Variants in PLCL1 observed in about 807,000 individuals in gnomAD.
PLCL1 encodes the protein inactive phospholipase C-like protein 1.
PLCL1 carries 41 observed loss-of-function variants against 84.4 expected under a neutral mutation model. The observed-to-expected ratio is 0.49, with a 90% CI of 0.38 to 0.63. The LOEUF (loss-of-function observed/expected upper bound fraction) is 0.63. Ranked by LOEUF, PLCL1 falls within the 30% of genes least tolerant of loss-of-function variation. The probability of loss-of-function intolerance (pLI) is 0.00; values close to 1 mark genes in which losing one functional copy is unlikely to be tolerated. For missense variants in PLCL1, 1,206 were observed against 1,367.8 expected, an observed-to-expected ratio of 0.88 and a Z score of 1.87; for synonymous variants, 490 against 488.3, an observed-to-expected ratio of 1.00 and a Z score of -0.05.
chr2:197,947,323 T>C (rs777401921), intron 1 of PLCL1, among the ~76,000 whole-genome samples: 2 of 151,562 alleles, frequency 1.3e-5, no homozygotes, highest in Non-Finnish European at 2.9e-5. Context: ...TCAGAGTTAC[T>C]AGCAGGACTT....
intron 5 of PLCL1, among the ~76,000 whole-genome samples, chr2:198,104,751 TG>T (rs1405118013): frequency 6.6e-6 from 1 of 152,110 alleles, no homozygotes; most frequent in East Asian, 1.9e-4. Flanking sequence ...TATCTCACTG[TG>T]GTTTTGATTT....
chr2:197,826,742 T>C (rs930455124), intron 1 of PLCL1, among the ~76,000 whole-genome samples: 1 of 152,122 alleles, frequency 6.6e-6, no homozygotes, highest in Admixed American at 6.6e-5. Flanking sequence ...TAAGCCCAAA[T>C]AGAATATAGG....
At chr2:197,869,833 T>C (rs570443289) in intron 1 of PLCL1, among the ~76,000 whole-genome samples, 1 of 152,296 alleles carries the variant, frequency 6.6e-6, no homozygotes, top group African/African-American at 2.4e-5. Context: ...GAAGGTATGC[T>C]GCAACGGTAA....
At chr2:197,926,856 G>T (rs948690704) in intron 1 of PLCL1, among the ~76,000 whole-genome samples, 12 of 152,106 alleles carry the variant, frequency 7.9e-5, no homozygotes, top group African/African-American at 2.7e-4. Flanking sequence ...TTTGGCATGA[G>T]GTTTCATTTG....
At chr2:198,067,475 T>C (rs1249741289) in intron 1 of PLCL1, among the ~76,000 whole-genome samples, 1 of 152,186 alleles carries the variant, frequency 6.6e-6, no homozygotes, top group Non-Finnish European at 1.5e-5. Flanking sequence ...AATATAGCAC[T>C]GTTGGGAAGA....
At position 198,085,140 on chromosome 2, in the gene PLCL1, A is replaced by G; in HGVS notation, c.1623A>G (p.Gly541=). The G allele has an allele frequency of 1.2e-6, 2 of 1,614,086 alleles. No homozygotes were observed. Among genetic ancestry groups the G allele is most frequent in the Middle Eastern group, 1.6e-4 (1 of 6,062 alleles). Residue 541 remains glycine, a synonymous_variant, in exon 2 of 6, where the codon GGA becomes GGG. Coordinates refer to ENST00000428675, the MANE Select transcript of PLCL1 (RefSeq NM_006226.4). The surrounding 1 kb of genome is among the most constrained non-coding windows in gnomAD (Gnocchi z 5.3). ...EKLKRMIIVK[G]KKLPSDPDVL... is the part of the protein sequence containing the mutation. ...TAAAAAGAATGATCATTGTGAAAGG[A>G]AAGAAGTTGCCTTCTGATCCAGATG... is the stretch of plus-strand genomic sequence containing the variant.
At chr2:197,859,219 C>T (rs1200341067) in intron 1 of PLCL1, among the ~76,000 whole-genome samples, 2 of 152,130 alleles carry the variant, frequency 1.3e-5, no homozygotes, top group African/African-American at 2.4e-5. Context: ...TTAGCTTTCT[C>T]TTCTTCCTCT....
intron 3 of PLCL1, among the ~76,000 whole-genome samples, chr2:198,090,605 T>C (rs1693002362): frequency 6.6e-6 from 1 of 152,170 alleles, no homozygotes; most frequent in Non-Finnish European, 1.5e-5. Flanking sequence ...ATGTACTTCA[T>C]GGTTGCTAGG....
chr2:197,820,786 A>C (rs1046536651), intron 1 of PLCL1, among the ~76,000 whole-genome samples: 1 of 152,116 alleles, frequency 6.6e-6, no homozygotes, highest in Non-Finnish European at 1.5e-5. Context: ...GAGAAAGCAA[A>C]ACTGTGATTT....
chr2:198,138,813 G>C (rs552910969), intron 5 of PLCL1, among the ~76,000 whole-genome samples: 2 of 152,258 alleles, frequency 1.3e-5, no homozygotes, highest in Admixed American at 1.3e-4. Context: ...CAAAGTATCA[G>C]CTGGTATTAT....
At chr2:197,837,654 G>A (rs1179859218) in intron 1 of PLCL1, among the ~76,000 whole-genome samples, 6 of 152,158 alleles carry the variant, frequency 3.9e-5, no homozygotes, top group African/African-American at 4.8e-5. Flanking sequence ...TATGACTGGC[G>A]GGTGACCCAC....
At chr2:197,972,584 G>C (rs978372806) in intron 1 of PLCL1, among the ~76,000 whole-genome samples, 2 of 152,040 alleles carry the variant, frequency 1.3e-5, no homozygotes, top group African/African-American at 4.8e-5. Flanking sequence ...AAAATATAAG[G>C]TGTCATATAT....
chr2:197,969,682 A>T (rs1362028431), intron 1 of PLCL1, among the ~76,000 whole-genome samples: 1 of 152,224 alleles, frequency 6.6e-6, no homozygotes, highest in African/African-American at 2.4e-5. Flanking sequence ...TTCTGAGCAG[A>T]TGATAAGATT....
chr2:198,101,488 C>T (rs545251089), intron 4 of PLCL1, 128 bp downstream of exon 4: 36 of 605,732 alleles, frequency 5.9e-5, no homozygotes, highest in Non-Finnish European at 9.5e-5. Flanking sequence ...TATAGCAATG[C>T]TTAACTATAC....
intron 1 of PLCL1, among the ~76,000 whole-genome samples, chr2:198,012,304 G>A (rs986377646): frequency 2.6e-5 from 4 of 152,098 alleles, no homozygotes; most frequent in African/African-American, 4.8e-5. Context: ...CAGGAACAGA[G>A]CCCAAGCTGT....
intron 1 of PLCL1, among the ~76,000 whole-genome samples, chr2:197,976,997 G>T (rs1689995940): frequency 6.6e-6 from 1 of 151,994 alleles, no homozygotes; most frequent in African/African-American, 2.4e-5. Context: ...TGGACCGTTT[G>T]GTCTGCCATT....
intron 1 of PLCL1, among the ~76,000 whole-genome samples, chr2:197,877,191 A>G (rs1687749714): frequency 1.3e-5 from 2 of 152,128 alleles, no homozygotes; most frequent in African/African-American, 4.8e-5. Context: ...GATGACATCC[A>G]CTAAGGTGGT....
At chr2:197,820,157 G>A (rs1379113970) in intron 1 of PLCL1, among the ~76,000 whole-genome samples, 1 of 151,956 alleles carries the variant, frequency 6.6e-6, no homozygotes, top group Non-Finnish European at 1.5e-5. Context: ...AAGTAGGAAG[G>A]ATCTAAGAAA....
At chr2:198,117,396 A>G (rs1417228912) in intron 5 of PLCL1, among the ~76,000 whole-genome samples, 1 of 151,296 alleles carries the variant, frequency 6.6e-6, no homozygotes, top group African/African-American at 2.4e-5. Context: ...ATATATAGAA[A>G]GGGAAGGTTG....
Sources: gnomAD v4.1 joint callset for allele counts (sites outside exome capture counted in the v4.1 genomes callset) on GRCh38, gnomAD v4.1.1 for gene constraint, Gnocchi (gnomAD v3.1) non-coding constraint, MANE v1.5 for transcripts, NCBI Gene and HGNC (gene_info 2026-07-23, HGNC 2026-07-21) for gene names.